Variants in SHOX observed in about 807,000 individuals in gnomAD.
The protein encoded by SHOX is short stature homeobox protein.
In SHOX, 12 loss-of-function variants were observed where a neutral mutation model predicts 29.6. The observed-to-expected ratio is 0.41, with a 90% CI of 0.26 to 0.66. The LOEUF is 0.66. Among genes scored for constraint, SHOX ranks in the 30% least tolerant of loss-of-function variants. The pLI is 0.35. For synonymous variants in SHOX, 214 were observed against 200.6 expected (o/e 1.07, Z -0.57); for missense variants, 499 against 437.7 (o/e 1.14, Z -1.25).
In SHOX at chrX:650,262, G is replaced by T. The variant is rs2053034415; in HGVS notation, c.*5626G>T. Among the ~76,000 whole-genome samples the T allele has an allele frequency of 6.6e-6, 1 of 152,194 alleles. No homozygotes were observed. Among genetic ancestry groups the T allele is most frequent in the Non-Finnish European group, 1.5e-5 (1 of 68,038 alleles). On this transcript the variant is annotated 3_prime_UTR_variant, in exon 5 of 5. Coordinates refer to ENST00000686671, the MANE Select transcript of SHOX (RefSeq NM_000451.4). ...CAAAGCTGGTGGTGCGACGGGCTTG[G>T]TGTCTCCCGTACGGGAAGGAGGCCT... is the stretch of plus-strand genomic sequence containing the variant.
rs1474444296 is a variant in SHOX at position 645,444 on chromosome X, C to T, written c.*808C>T. ...TTTTTGCTGTGTTACAGGATTCAGA[C>T]GCAAAAGACTTGCATAAGAGACGGA... On this transcript the variant is annotated 3_prime_UTR_variant, in exon 5 of 5. Transcript: ENST00000686671. 8.8e-6 allele frequency: 1 copy of T among 113,644 alleles called. No individual in the cohort carries two copies. Among genetic ancestry groups the T allele is most frequent in the Non-Finnish European group, 1.6e-5 (1 of 61,056 alleles). 7.0% of individuals were successfully genotyped at this position (113,644 alleles called of 1,614,324 possible).
In SHOX at chrX:634,730, C is replaced by T; in HGVS notation, c.390C>T (p.Asn130=). ...SRTNFTLEQL[N]ELERLFDETH... ...CCAACTTCACGCTGGAGCAGCTGAA[C>T]GAGCTCGAGCGACTCTTCGACGAGA... The change falls in exon 2 of 5, where the codon AAC becomes AAT. Residue 130 remains asparagine (N), a synonymous_variant. Coordinates refer to ENST00000686671, the MANE Select transcript of SHOX (RefSeq NM_000451.4). 2 of 1,613,076 alleles carry T rather than the reference C, an allele frequency of 1.2e-6. No homozygotes were observed. The highest frequency in any genetic ancestry group is 2.2e-5 in the East Asian group (1 of 44,854).
rs2053007879 is a variant in SHOX, at chrX:648,942, C to CTTTTCTTACTTTGTTTCTTTCT, written c.*4313_*4314insACTTTGTTTCTTTCTTTTTCTT. ...TTTTTCTTTCTTTCTCTCTTTCTTT[C>CTTTTCTTACTTTGTTTCTTTCT]TTTTCTTTCTTTCTGTTTCTTTCCT... is the stretch of plus-strand genomic sequence containing the variant. On this transcript the variant is annotated 3_prime_UTR_variant, in exon 5 of 5. Transcript: ENST00000686671. 6.9e-6 allele frequency among the ~76,000 whole-genome samples: 1 copy of CTTTTCTTACTTTGTTTCTTTCT among 145,932 alleles called. No individual in the cohort carries two copies. Among genetic ancestry groups the CTTTTCTTACTTTGTTTCTTTCT allele is most frequent in the Non-Finnish European group, 1.5e-5 (1 of 66,454 alleles).
intron 4 of SHOX, among the ~76,000 whole-genome samples, chrX:643,777 C>T (rs1221326533): frequency 7.6e-6 from 1 of 131,870 alleles, no homozygotes; most frequent in Admixed American, 7.3e-5. Flanking sequence ...ACCTGGTGTC[C>T]TGGGGAGAGG....
chrX:642,673 C>T (rs991069365), intron 4 of SHOX, among the ~76,000 whole-genome samples: 3 of 152,194 alleles, frequency 2.0e-5, no homozygotes, highest in Admixed American at 2.0e-4. Context: ...GCCCGCAGGC[C>T]TGCCTGGCTT....
At chrX:652,924 C>T (rs1403835510), downstream of SHOX, among the ~76,000 whole-genome samples, 1 of 152,080 alleles carries the variant, frequency 6.6e-6, no homozygotes, top group Non-Finnish European at 1.5e-5. Flanking sequence ...TGAATGCACA[C>T]AGTTATTTCA....
rs1489046955 is a variant in SHOX, at chrX:634,709, C to A, written c.369C>A (p.Asn123Lys). ...TGAAACAGAGGCGCAGCCGCACCAA[C>A]TTCACGCTGGAGCAGCTGAACGAGC... ...TKLKQRRSRT[N>K]FTLEQLNELE... Residue 123 changes from asparagine (N) to lysine (K), a missense_variant, in exon 2 of 5, where the codon AAC (asparagine) becomes AAA (lysine). By Grantham distance (94) the Asn-to-Lys change is moderately conservative. Coordinates refer to ENST00000686671, the MANE Select transcript of SHOX (RefSeq NM_000451.4). 6.2e-7 allele frequency: 1 copy of A among 1,613,748 alleles called. No homozygotes were observed. The highest frequency in any genetic ancestry group is 2.2e-5 in the East Asian group (1 of 44,892).
chrX:636,831 G>T (rs2052767535), intron 2 of SHOX, among the ~76,000 whole-genome samples: 1 of 143,824 alleles, frequency 7.0e-6, no homozygotes, highest in South Asian at 2.1e-4. Flanking sequence ...TTCGGTTCCT[G>T]TGGGATGGGT....
At position 636,548 on chromosome X, in the gene SHOX, T is replaced by G. The variant is rs1224370411; in HGVS notation, c.486+1722T>G. Among the ~76,000 whole-genome samples the G allele has an allele frequency of 1.1e-4, 2 of 18,256 alleles. 1 individual carries two copies. The highest frequency in any genetic ancestry group is 1.6e-4 in the Non-Finnish European group (2 of 12,864). The allele number at this position is 18,256 out of a possible 152,430, so 12.0% of individuals were successfully genotyped here. ...ATAAACATATATATACATATAAAAA[T>G]ATATATAAACATATATACATATAAA... On this transcript the variant is annotated intron_variant, in intron 2 of 4. Transcript: ENST00000686671.
At chrX:642,426 G>A (rs965450521) in intron 4 of SHOX, among the ~76,000 whole-genome samples, 6 of 152,092 alleles carry the variant, frequency 3.9e-5, no homozygotes, top group African/African-American at 1.2e-4. Flanking sequence ...GGGGGGTGGC[G>A]GTGGGGAGCG....
chrX:629,193 A>C (rs1398484912), upstream of SHOX, among the ~76,000 whole-genome samples: 1,027 of 32,418 alleles, frequency 0.032, no homozygotes, highest in Middle Eastern at 0.062. Flanking sequence ...CTCTCTCTCT[A>C]TCTCTCCCTC....
At chrX:658,539 C>T (rs899622782) in intron 5 of SHOX, among the ~76,000 whole-genome samples, 1 of 150,586 alleles carries the variant, frequency 6.6e-6, no homozygotes, top group East Asian at 2.0e-4. Flanking sequence ...GGCACGATCT[C>T]CGCTCACTGC....
rs2052975696 is a variant in SHOX, at chrX:646,906, A to G, written c.*2270A>G. 3 of 151,968 alleles carry G rather than the reference A, an allele frequency of 2.0e-5. No individual in the cohort carries two copies. The highest frequency in any genetic ancestry group is 7.3e-5 in the African/African-American group (3 of 41,356). The allele number at this position is 151,968 out of a possible 1,614,324, so 9.4% of individuals were successfully genotyped here. On this transcript the variant is annotated 3_prime_UTR_variant, in exon 5 of 5. Coordinates refer to ENST00000686671, the MANE Select transcript of SHOX (RefSeq NM_000451.4). The stretch of plus-strand genomic sequence containing the variant: ...GTAGGTTCATTCATCAGAGTATGTA[A>G]CCCTTTGGAAAAGTGGTTGGTAAGA...
At position 636,514 on chromosome X, in the gene SHOX, AAT is replaced by A. The variant is rs1413049345; in HGVS notation, c.486+1698_486+1699del. ...CATATATAAACATATATATACATAA[AAT>A]ATATATATAAACATATATATACATA... On this transcript the variant is annotated intron_variant, in intron 2 of 4. Coordinates refer to ENST00000686671, the MANE Select transcript of SHOX (RefSeq NM_000451.4). 2.3e-3 allele frequency among the ~76,000 whole-genome samples: 122 copies of A among 54,140 alleles called. 8 individuals are homozygous for A. Among genetic ancestry groups the A allele is most frequent in the Non-Finnish European group, 3.3e-3 (91 of 27,416 alleles). 35.5% of individuals were successfully genotyped at this position (54,140 alleles called of 152,430 possible).
downstream of SHOX, among the ~76,000 whole-genome samples, chrX:654,302 A>G (rs1002325071): frequency 2.0e-5 from 3 of 151,618 alleles, no homozygotes; most frequent in African/African-American, 7.3e-5. Context: ...TATGTAACAA[A>G]CCTGCACATT....
chrX:639,551 C>T (rs1342411628), intron 2 of SHOX, among the ~76,000 whole-genome samples: 1 of 152,212 alleles, frequency 6.6e-6, no homozygotes, highest in Non-Finnish European at 1.5e-5. Flanking sequence ...TTCGGTTCTC[C>T]TACAGGGTCT....
Position 630,876 on chromosome X carries a change from C to G in SHOX, c.-22C>G. On this transcript the variant is annotated 5_prime_UTR_variant, in exon 1 of 5. Transcript: ENST00000686671. The stretch of plus-strand genomic sequence containing the variant: ...CGCGCGCATCCACCAGCCCCGGCTG[C>G]TCGCCAGCCCCGGCCCCAGCCATGG... 1 of 1,612,316 alleles carries G rather than the reference C, an allele frequency of 6.2e-7. No homozygotes were observed. Among genetic ancestry groups the G allele is most frequent in the Non-Finnish European group, 8.5e-7 (1 of 1,179,712 alleles).
rs764885170 is a variant in SHOX, at chrX:651,412, GA to G, written c.*6785del. The G allele has an allele frequency of 8.6e-5, 16 of 186,808 alleles. No homozygotes were observed. Among genetic ancestry groups the G allele is most frequent in the East Asian group, 2.6e-4 (2 of 7,812 alleles). 11.6% of individuals were successfully genotyped at this position (186,808 alleles called of 1,614,324 possible). Reference sequence around the variant, plus strand: ...TAGAAAAAAAACAAACAAACAAACAGAAAAAAAAACCAAAAAAAACCACCCT... The same window carrying G: ...TAGAAAAAAAACAAACAAACAAACAGAAAAAAAACCAAAAAAAACCACCCT... On this transcript the variant is annotated 3_prime_UTR_variant, in exon 5 of 5. Coordinates refer to ENST00000686671, the MANE Select transcript of SHOX (RefSeq NM_000451.4).
At position 634,643 on chromosome X, in the gene SHOX, C is replaced by T. The variant is rs2052709713; in HGVS notation, c.303C>T (p.Arg101=). ...GGATTTATGAATGCAAAGAGAAGCG[C>T]GAGGACGTGAAGTCGGAGGACGAGG... is the stretch of plus-strand genomic sequence containing the variant. ...AEGIYECKEK[R]EDVKSEDEDG... Residue 101 remains arginine (R), a synonymous_variant, in exon 2 of 5, where the codon CGC becomes CGT. Coordinates refer to ENST00000686671, the MANE Select transcript of SHOX (RefSeq NM_000451.4). 1.2e-6 allele frequency: 2 copies of T among 1,613,722 alleles called. No individual in the cohort carries two copies. Among genetic ancestry groups the T allele is most frequent in the South Asian group, 2.2e-5 (2 of 91,074 alleles).
Sources: allele counts gnomAD v4.1 joint callset (sites outside exome capture counted in the v4.1 genomes callset), GRCh38; gene constraint gnomAD v4.1.1; transcripts MANE v1.5; gene names NCBI Gene and HGNC (gene_info 2026-07-23, HGNC 2026-07-21).